PRAME: variants seen among roughly 807,000 people sequenced by gnomAD.
PRAME encodes the protein melanoma antigen preferentially expressed in tumors.
In PRAME, 21 loss-of-function variants were observed where a neutral mutation model predicts 32.1. The ratio of observed to expected loss-of-function variants is 0.65; its 90% CI spans 0.46 to 0.94. The LOEUF (loss-of-function observed/expected upper bound fraction) is 0.94, where lower values mean the gene tolerates loss of function less well. PRAME is among the 40% of genes least tolerant of loss of function. PRAME has a pLI of 0.00. For synonymous variants in PRAME, 274 were observed against 251.5 expected (o/e 1.09, Z -0.85); for missense variants, 651 against 622.3 (o/e 1.05, Z -0.49).
At chr22:22,552,069 G>A (rs2062611275) in intron 3 of PRAME, among the ~76,000 whole-genome samples, 1 of 148,244 alleles carries the variant, frequency 6.7e-6, no homozygotes, top group Non-Finnish European at 1.5e-5. Flanking sequence ...AATGGTTTGA[G>A]CCCAGGAGTT....
At chr22:22,555,077 G>A (rs1008922310) in intron 3 of PRAME, among the ~76,000 whole-genome samples, 19 of 151,924 alleles carry the variant, frequency 1.3e-4, no homozygotes. Context: ...AAAAGACTGG[G>A]GCCCAGCATG....
chr22:22,554,315 C>G, intron 3 of PRAME: 1 of 912,142 alleles, frequency 1.1e-6, no homozygotes, highest in Non-Finnish European at 1.3e-6. Context: ...ACTTTGTTTA[C>G]TGTGGCCTGC....
intron 3 of PRAME, 111 bp downstream of exon 3, chr22:22,556,701 T>C: frequency 3.8e-6 from 5 of 1,304,484 alleles, no homozygotes; most frequent in South Asian, 1.2e-5. Flanking sequence ...TCCTGCCTCT[T>C]CGTCTACTGT....
chr22:22,549,021 C>T (rs981034573), intron 5 of PRAME, among the ~76,000 whole-genome samples: 2 of 151,858 alleles, frequency 1.3e-5, no homozygotes, highest in African/African-American at 4.8e-5. Flanking sequence ...TCAACTCGGG[C>T]TTCCTTCTGC....
At position 22,550,208 on chromosome 22, in the gene PRAME, CTTT is replaced by C. The variant is rs2062484615; in HGVS notation, c.468_470del (p.Lys158del). On this transcript the variant is annotated inframe_deletion, in exon 5 of 6. Transcript: ENST00000405655. ...TGCTCAAACCATCTACTTTTCGCTT[CTTT>C]GTCATGGGCTGAGCTGCTTCTGGCT... The C allele has an allele frequency of 4.3e-6, 7 of 1,613,676 alleles. 1 individual carries two copies. In the South Asian group the frequency reaches 6.6e-5, roughly 15 times the overall value.
chr22:22,556,945 A>AGT, intron 2 of PRAME, 36 bp from the exon 3 acceptor site: 1 of 1,291,502 alleles, frequency 7.7e-7, no homozygotes, highest in Non-Finnish European at 1.1e-6. Flanking sequence ...AAAAAGAAGA[A>AGT]TACATGTATA....
intron 1 of PRAME, among the ~76,000 whole-genome samples, chr22:22,558,520 C>T (rs1243198453): frequency 1.0e-4 from 8 of 77,384 alleles, no homozygotes; most frequent in African/African-American, 3.8e-4. Context: ...GGAAAAGAGG[C>T]AGAGAGTGGG....
At position 22,550,907 on chromosome 22, in the gene PRAME, G is replaced by A. The variant is rs1209072731; in HGVS notation, c.204C>T (p.Thr68=). Residue 68 remains threonine, a synonymous_variant, in exon 4 of 6, where the codon ACC becomes ACT. Coordinates refer to ENST00000405655, the MANE Select transcript of PRAME (RefSeq NM_206956.3). ...GCCAGGCCTGCACCATTGCCTTCAG[G>A]GTCTGGCTGTGTCTCCCGTCAAAGG... ...MAAFDGRHSQ[T]LKAMVQAWPF... is the part of the protein sequence containing the mutation. 4 of 1,613,860 alleles carry A rather than the reference G, an allele frequency of 2.5e-6. No homozygotes were observed. The highest frequency in any genetic ancestry group is 3.4e-6 in the Non-Finnish European group (4 of 1,179,964).
In PRAME at chr22:22,556,873, G is replaced by C; in HGVS notation, c.-41C>G. On this transcript the variant is annotated 5_prime_UTR_variant, in exon 3 of 6. Coordinates refer to ENST00000405655, the MANE Select transcript of PRAME (RefSeq NM_206956.3). The stretch of plus-strand genomic sequence containing the variant: ...GCTGGCCTCAGGACCTCCAACGCTT[G>C]GATTTCTAGGTCTCAGTCACTTGTT... 6.2e-7 allele frequency: 1 copy of C among 1,612,318 alleles called. No homozygotes were observed. Among genetic ancestry groups the C allele is most frequent in the Non-Finnish European group, 8.5e-7 (1 of 1,179,534 alleles).
intron 2 of PRAME, chr22:22,557,279 C>T (rs2062987229): frequency 4.4e-6 from 1 of 225,878 alleles, no homozygotes; most frequent in Non-Finnish European, 9.1e-6. Flanking sequence ...GAGCATCCAC[C>T]GCATTACAAA....
Position 22,550,064 on chromosome 22 carries a change from TAC to T in PRAME, c.613_614del (p.Val205ThrfsTer6). On this transcript the variant is annotated frameshift_variant, in exon 5 of 6. Transcript: ENST00000405655. LOFTEE classifies it high-confidence loss of function. ...TCAGCTTCTTACAGCACAGGCGTAG[TAC>T]ATTTTTCTTTCGCTTCACTTTCTCA... Reference protein sequence around the residue: ...LIEKVKRKKNVLRLCCKKLKI... With the variant: ...LIEKVKRKKNXLRLCCKKLKI... 1.9e-6 allele frequency: 3 copies of T among 1,613,948 alleles called. No individual in the cohort carries two copies. Among genetic ancestry groups the T allele is most frequent in the Non-Finnish European group, 2.5e-6 (3 of 1,179,966 alleles).
intron 3 of PRAME, among the ~76,000 whole-genome samples, chr22:22,555,380 G>A (rs886350946): frequency 1.3e-5 from 2 of 151,836 alleles, no homozygotes; most frequent in South Asian, 2.1e-4. Context: ...AGGATTACAA[G>A]CACACGCCCC....
rs2062522207 is a variant in PRAME, at chr22:22,550,815, G to C, written c.296C>G (p.Ala99Gly). 1 of 1,610,830 alleles carries C rather than the reference G, an allele frequency of 6.2e-7. No individual in the cohort carries two copies. The highest frequency in any genetic ancestry group is 1.3e-5 in the African/African-American group (1 of 74,816). Residue 99 changes from alanine (A) to glycine (G), a missense_variant, in exon 4 of 6, where the codon GCT becomes GGT. By Grantham distance (60) the Ala-to-Gly change is moderately conservative. Transcript: ENST00000405655. ...GQHLHLETFK[A>G]VLDGLDVLLA... ...GAGCACATCAAGTCCATCAAGCACA[G>C]CTTTGAAGGTCTCCAGGTGAAGATG...
intron 3 of PRAME, chr22:22,552,982 T>G (rs113548787): frequency 2.1e-6 from 1 of 469,040 alleles, no homozygotes; most frequent in East Asian, 7.0e-5. Flanking sequence ...TCTAATTACA[T>G]TCCTGGATCT....
At position 22,549,980 on chromosome 22, in the gene PRAME, G is replaced by C. The variant is rs777549932; in HGVS notation, c.699C>G (p.Asp233Glu). The part of the protein sequence containing the change: ...IKMILKMVQL[D>E]SIEDLEVTCT... ...AAGTCACTTCCAAATCTTCAATAGA[G>C]TCCAGCTGCACCATTTTCAGGATCA... Residue 233 changes from aspartate (D) to glutamate (E), a missense_variant, in exon 5 of 6, where the codon GAC (aspartate) becomes GAG (glutamate). By Grantham distance (45) the Asp-to-Glu change is conservative. Transcript: ENST00000405655. 2 of 1,613,878 alleles carry C rather than the reference G, an allele frequency of 1.2e-6. No individual in the cohort carries two copies. Among genetic ancestry groups the C allele is most frequent in the Admixed American group, 3.3e-5 (2 of 59,978 alleles).
At chr22:22,554,325 C>A (rs1053870242) in intron 3 of PRAME, 2 of 838,612 alleles carry the variant, frequency 2.4e-6, no homozygotes, top group Non-Finnish European at 2.9e-6. Context: ...CTGTGGCCTG[C>A]GTAAGGAGGC....
chr22:22,553,014 G>T, intron 3 of PRAME: 1 of 453,876 alleles, frequency 2.2e-6, no homozygotes. Flanking sequence ...ATCCTGATGG[G>T]GTTTTTTACT....
intron 4 of PRAME, 142 bp from the exon 5 acceptor site, chr22:22,550,476 T>C: frequency 8.3e-7 from 1 of 1,206,932 alleles, no homozygotes. Flanking sequence ...AGGCATCAGC[T>C]GCTCCCTTTC....
Position 22,550,891 on chromosome 22 carries a change from G to A in PRAME, c.220C>T (p.Gln74Ter), listed in dbSNP as rs1316687197. The A allele has an allele frequency of 6.2e-7, 1 of 1,613,862 alleles. No individual in the cohort carries two copies. The highest frequency in any genetic ancestry group is 1.1e-5 in the South Asian group (1 of 91,074). Residue 74 changes from glutamine to a stop codon, truncating the protein, a stop_gained, in exon 4 of 6, where the codon CAG becomes TAG. Transcript: ENST00000405655. LOFTEE classifies it high-confidence loss of function. ...RHSQTLKAMV[Q>*]AWPFTCLPLG... ...GGGAGGCAGGTGAAGGGCCAGGCCT[G>A]CACCATTGCCTTCAGGGTCTGGCTG...
Sources: allele counts gnomAD v4.1 joint callset (sites outside exome capture counted in the v4.1 genomes callset), GRCh38; gene constraint gnomAD v4.1.1; transcripts MANE v1.5; gene names NCBI Gene and HGNC (gene_info 2026-07-23, HGNC 2026-07-21).